PDE1C: variants seen among roughly 807,000 people sequenced by gnomAD.
The protein encoded by PDE1C is dual specificity calcium/calmodulin-dependent 3',5'-cyclic nucleotide phosphodiesterase 1C.
PDE1C carries 62 observed loss-of-function variants against 93.1 expected under a neutral mutation model. The observed-to-expected ratio is 0.67, with a 90% CI of 0.54 to 0.82. The LOEUF (loss-of-function observed/expected upper bound fraction) is 0.82. Ranked by LOEUF, PDE1C falls within the 40% of genes least tolerant of loss-of-function variation. PDE1C has a pLI of 0.00. For synonymous variants in PDE1C, 325 were observed against 310.1 expected (o/e 1.05, Z -0.50); for missense variants, 742 against 884.6 (o/e 0.84, Z 2.04).
intron 2 of PDE1C, among the ~76,000 whole-genome samples, chr7:31,948,318 C>A (rs1806897041): frequency 6.6e-6 from 1 of 152,158 alleles, no homozygotes; most frequent in South Asian, 2.1e-4. Context: ...ACATAGATAT[C>A]TTAGCTGGTT....
intron 3 of PDE1C, among the ~76,000 whole-genome samples, chr7:32,104,006 G>C (rs919051786): frequency 6.6e-6 from 1 of 151,780 alleles, no homozygotes; most frequent in Non-Finnish European, 1.5e-5. Flanking sequence ...ACAAAGACAT[G>C]GAAAATAATA....
chr7:31,701,443 G>C, the PDE1C span, among the ~76,000 whole-genome samples: 1 of 152,324 alleles, frequency 6.6e-6, no homozygotes, highest in Non-Finnish European at 1.5e-5. Flanking sequence ...CAAAGAAAAT[G>C]GTTTCTTGAG....
intron 2 of PDE1C, among the ~76,000 whole-genome samples, chr7:31,995,381 A>G: frequency 6.6e-6 from 1 of 152,148 alleles, no homozygotes; most frequent in Non-Finnish European, 1.5e-5. Flanking sequence ...TTGCACGCCT[A>G]CCTGCAATGA....
chr7:31,813,997 T>A (rs1217871799), intron 15 of PDE1C, among the ~76,000 whole-genome samples: 1 of 152,054 alleles, frequency 6.6e-6, no homozygotes, highest in Non-Finnish European at 1.5e-5. Context: ...TCATTCCTTT[T>A]TATGGCTGAA....
rs575489915 is a variant in PDE1C, at chr7:32,408,936, G to A, written c.310+18886C>T. Among the ~76,000 whole-genome samples the A allele has an allele frequency of 2.0e-5, 3 of 152,274 alleles. No individual in the cohort carries two copies. The South Asian group carries it at 6.2e-4, about 32-fold the overall frequency. On this transcript the variant is annotated intron_variant, in intron 1 of 1. Transcript: ENST00000672256. ...CCTCAGAAGACCAAAAATTTAAGTG[G>A]TCCAGTTTCTGGAGAAGAAAGTTGT...
intron 2 of PDE1C, among the ~76,000 whole-genome samples, chr7:32,050,783 A>G (rs1302184399): frequency 6.6e-6 from 1 of 152,230 alleles, no homozygotes; most frequent in East Asian, 1.9e-4. Flanking sequence ...CCACCAAGTC[A>G]GCAAACTACA....
At chr7:32,090,301 A>G (rs2392019) in intron 3 of PDE1C, among the ~76,000 whole-genome samples, 95,754 of 152,084 alleles carry the variant, frequency 0.63, 30,450 homozygotes, top group African/African-American at 0.71. Context: ...TGTGATCTGT[A>G]CTCACCCTAG....
chr7:32,244,346 T>A (rs1808759530), intron 1 of PDE1C, among the ~76,000 whole-genome samples: 1 of 152,174 alleles, frequency 6.6e-6, no homozygotes, highest in South Asian at 2.1e-4. Flanking sequence ...TCAGTGTACC[T>A]AAAGGCCATG....
chr7:32,156,041 G>C (rs969467159), intron 3 of PDE1C, among the ~76,000 whole-genome samples: 1 of 152,200 alleles, frequency 6.6e-6, no homozygotes, highest in Admixed American at 6.5e-5. Flanking sequence ...CCCATTCCAT[G>C]AGTTTCTCTC....
the PDE1C span, among the ~76,000 whole-genome samples, chr7:31,625,010 A>G: frequency 6.6e-6 from 1 of 152,244 alleles, no homozygotes; most frequent in Admixed American, 6.5e-5. Context: ...CAGTCAAAAA[A>G]CACATGAAAA....
intron 2 of PDE1C, among the ~76,000 whole-genome samples, chr7:31,886,869 C>CT (rs1421145169): frequency 6.7e-6 from 1 of 150,014 alleles, no homozygotes; most frequent in Non-Finnish European, 1.5e-5. Context: ...TAGATCTATT[C>CT]GGATCTATTC....
chr7:32,359,727 T>C lies in PDE1C; in HGVS notation c.310+68095A>G, dbSNP rs1784099271. ...CTGTCTTATTTTTTGACCCAAATCA[T>C]TGTGGTCTCTTCTACTCCATTCGGC... On this transcript the variant is annotated intron_variant, in intron 1 of 1. Transcript: ENST00000672256. Among the ~76,000 whole-genome samples the C allele has an allele frequency of 2.6e-5, 4 of 152,216 alleles. No homozygotes were observed. In the South Asian group the frequency reaches 6.2e-4, roughly 24 times the overall value.
chr7:32,349,605 G>A (rs1390896054), intron 1 of PDE1C, among the ~76,000 whole-genome samples: 2 of 152,106 alleles, frequency 1.3e-5, no homozygotes, highest in Non-Finnish European at 2.9e-5. Context: ...GTCAGTTAGA[G>A]CTGTCTCCTA....
At chr7:32,407,654 C>G (rs1785083021) in intron 1 of PDE1C, among the ~76,000 whole-genome samples, 1 of 152,174 alleles carries the variant, frequency 6.6e-6, no homozygotes, top group Non-Finnish European at 1.5e-5. Flanking sequence ...ACGTACATTT[C>G]TAGGTATCTT....
At chr7:31,793,978 CATAGATAAACCAG>C (rs1217701441) in intron 16 of PDE1C, among the ~76,000 whole-genome samples, 3 of 148,964 alleles carry the variant, frequency 2.0e-5, no homozygotes, top group South Asian at 4.2e-4. Context: ...TAGACAGACA[CATAGATAAACCAG>C]ATAGATAGAT....
chr7:32,263,716 C>A (rs1254238413), intron 1 of PDE1C, among the ~76,000 whole-genome samples: 2 of 152,120 alleles, frequency 1.3e-5, no homozygotes, highest in East Asian at 3.9e-4. Flanking sequence ...CTATTCTTGT[C>A]TTTTATGACA....
chr7:32,375,267 T>C (rs1311460870), intron 1 of PDE1C, among the ~76,000 whole-genome samples: 1 of 152,108 alleles, frequency 6.6e-6, no homozygotes, highest in African/African-American at 2.4e-5. Flanking sequence ...CTCCATATAC[T>C]GAACTCAGCA....
intron 2 of PDE1C, among the ~76,000 whole-genome samples, chr7:32,003,420 A>G (rs1342335222): frequency 6.6e-6 from 1 of 152,254 alleles, no homozygotes; most frequent in Non-Finnish European, 1.5e-5. Flanking sequence ...TGTATAGTGC[A>G]ATCACATTTG....
At chr7:31,782,180 T>C (rs1783470173) in intron 16 of PDE1C, among the ~76,000 whole-genome samples, 2 of 152,230 alleles carry the variant, frequency 1.3e-5, no homozygotes, top group Admixed American at 6.5e-5. Flanking sequence ...TAAAATATTA[T>C]GCTGCTATTG....
Sources: allele counts gnomAD v4.1 joint callset (sites outside exome capture counted in the v4.1 genomes callset), GRCh38; gene constraint gnomAD v4.1.1; transcripts MANE v1.5; gene names NCBI Gene and HGNC (gene_info 2026-07-23, HGNC 2026-07-21).